Variants in CNBD1 observed in about 807,000 individuals in gnomAD.
The protein encoded by CNBD1 is cyclic nucleotide binding domain containing 1.
CNBD1 carries 71 observed loss-of-function variants against 54.4 expected under a neutral mutation model. That is an observed-to-expected ratio of 1.30 (90% CI 1.08 to 1.59). CNBD1 has a LOEUF of 1.59. Among genes scored for constraint, CNBD1 ranks in the 40% most tolerant of loss-of-function variants. The pLI, the probability that CNBD1 is intolerant of heterozygous loss-of-function variation, is 0.00. For missense variants in CNBD1, 659 were observed against 518.0 expected, an observed-to-expected ratio of 1.27 and a Z score of -2.64; for synonymous variants, 182 against 170.7, an observed-to-expected ratio of 1.07 and a Z score of -0.51.
At position 87,182,065 on chromosome 8, in the gene CNBD1, A is replaced by G. The variant is rs987465685; in HGVS notation, c.432-23928A>G. On this transcript the variant is annotated intron_variant, in intron 4 of 10. Transcript: ENST00000518476. The surrounding 1 kb of genome is among the most constrained non-coding windows in gnomAD (Gnocchi z 4.1). ...CTGCTCCTAACATCTCACTTGAAGTATGCCCCAGTGTCTACTTTTCCCATC... is the reference window on the plus strand; with the variant it reads ...CTGCTCCTAACATCTCACTTGAAGTGTGCCCCAGTGTCTACTTTTCCCATC... Among the ~76,000 whole-genome samples, 1 of 152,084 alleles carries G rather than the reference A, an allele frequency of 6.6e-6. No individual in the cohort carries two copies. Among genetic ancestry groups the G allele is most frequent in the African/African-American group, 2.4e-5 (1 of 41,426 alleles).
In CNBD1 at chr8:87,274,955, G is replaced by A. The variant is rs543306102; in HGVS notation, c.772-9723G>A. On this transcript the variant is annotated intron_variant, in intron 6 of 10. Coordinates refer to ENST00000518476, the MANE Select transcript of CNBD1 (RefSeq NM_173538.3). Reference sequence around the variant, plus strand: ...CATCTTGAATTGATTTTTGTATAAGGTGTAAGGAAGGGATCCAGTTTCAGC... The same window carrying A: ...CATCTTGAATTGATTTTTGTATAAGATGTAAGGAAGGGATCCAGTTTCAGC... Among the ~76,000 whole-genome samples the A allele has an allele frequency of 1.4e-3, 184 of 133,838 alleles. 32 individuals carry two copies. Among genetic ancestry groups the A allele is most frequent in the South Asian group, 4.2e-3 (17 of 4,050 alleles). 87.8% of individuals were successfully genotyped at this position (133,838 alleles called of 152,430 possible). A position where few individuals can be genotyped will look rare whatever the true frequency, so the allele number is the denominator to read the frequency against.
intron 2 of CNBD1, among the ~76,000 whole-genome samples, chr8:87,391,097 G>C (rs112741991): frequency 1.7e-3 from 265 of 151,918 alleles, no homozygotes; most frequent in African/African-American, 5.8e-3. Flanking sequence ...GTTGTGGGGT[G>C]GGGGAAGGGG....
chr8:87,425,887 C>G (rs1351331025), intron 2 of CNBD1, among the ~76,000 whole-genome samples: 2 of 152,260 alleles, frequency 1.3e-5, no homozygotes, highest in African/African-American at 2.4e-5. Flanking sequence ...CCTAATCAAG[C>G]CTGGGCAATG....
chr8:87,390,389 A>C (rs538299745), intron 2 of CNBD1, among the ~76,000 whole-genome samples: 2 of 152,326 alleles, frequency 1.3e-5, no homozygotes, highest in Non-Finnish European at 2.9e-5. Flanking sequence ...AATGAACTTA[A>C]ACAAATTTAC....
chr8:87,194,587 A>G (rs1279734664), intron 4 of CNBD1, among the ~76,000 whole-genome samples: 5 of 152,242 alleles, frequency 3.3e-5, no homozygotes, highest in Non-Finnish European at 5.9e-5. Context: ...CCCTTTGGAA[A>G]ATATAAGGCT....
At chr8:87,260,623 T>G (rs1808117596) in intron 6 of CNBD1, among the ~76,000 whole-genome samples, 1 of 152,138 alleles carries the variant, frequency 6.6e-6, no homozygotes, top group Non-Finnish European at 1.5e-5. Context: ...AAGAAACTCT[T>G]ACCCTTTTGC....
intron 6 of CNBD1, among the ~76,000 whole-genome samples, chr8:87,283,651 C>T (rs1460957951): frequency 6.6e-6 from 1 of 152,066 alleles, no homozygotes; most frequent in Non-Finnish European, 1.5e-5. Flanking sequence ...GGCTAGATAG[C>T]CAGCTTCTAT....
At chr8:87,401,548 G>A (rs1268219628) in intron 2 of CNBD1, among the ~76,000 whole-genome samples, 1 of 151,912 alleles carries the variant, frequency 6.6e-6, no homozygotes, top group Admixed American at 6.6e-5. Flanking sequence ...TATCTTTCTT[G>A]TTTTTTATGT....
chr8:86,918,609 C>T (rs1805504308), intron 3 of CNBD1, among the ~76,000 whole-genome samples: 1 of 151,798 alleles, frequency 6.6e-6, no homozygotes, highest in Admixed American at 6.6e-5. Context: ...TCCCCTTCTG[C>T]TTGGCTCTAA....
intron 4 of CNBD1, among the ~76,000 whole-genome samples, chr8:87,035,604 T>C (rs1204653529): frequency 6.6e-6 from 1 of 152,248 alleles, no homozygotes; most frequent in African/African-American, 2.4e-5. Flanking sequence ...ACTCTATTAA[T>C]GCTGTCTTCT....
intron 4 of CNBD1, among the ~76,000 whole-genome samples, chr8:86,962,556 C>G (rs946584981): frequency 1.3e-5 from 2 of 151,968 alleles, no homozygotes; most frequent in Non-Finnish European, 2.9e-5. Context: ...GAGGCTGAGG[C>G]GGGCACATCA....
chr8:87,188,289 T>C (rs1443892986), intron 4 of CNBD1, among the ~76,000 whole-genome samples: 2 of 152,204 alleles, frequency 1.3e-5, no homozygotes, highest in Non-Finnish European at 2.9e-5. Context: ...CTCTTTCACA[T>C]GCATAAGTTG....
chr8:87,154,731 A>C (rs1486773619), intron 4 of CNBD1, among the ~76,000 whole-genome samples: 1 of 152,154 alleles, frequency 6.6e-6, no homozygotes, highest in African/African-American at 2.4e-5. Flanking sequence ...TACACCTTGA[A>C]GTTGATATTA....
intron 8 of CNBD1, among the ~76,000 whole-genome samples, chr8:87,299,119 G>T (rs960297231): frequency 6.6e-6 from 1 of 152,160 alleles, no homozygotes; most frequent in Non-Finnish European, 1.5e-5. Flanking sequence ...CTGCCTGTGG[G>T]TTTGCAGAGG....
chr8:87,177,251 A>G (rs1813218830), intron 4 of CNBD1, among the ~76,000 whole-genome samples: 1 of 152,228 alleles, frequency 6.6e-6, no homozygotes, highest in African/African-American at 2.4e-5. Flanking sequence ...GGCAACCTTT[A>G]GGAAGAAATC....
chr8:87,131,207 C>T (rs527360376), intron 4 of CNBD1, among the ~76,000 whole-genome samples: 1 of 152,134 alleles, frequency 6.6e-6, no homozygotes, highest in South Asian at 2.1e-4. Flanking sequence ...GGATTTTTGT[C>T]TACCACTTCA....
intron 4 of CNBD1, among the ~76,000 whole-genome samples, chr8:87,023,259 A>C (rs557015147): frequency 6.7e-6 from 1 of 149,640 alleles, no homozygotes; most frequent in East Asian, 2.0e-4. Context: ...CTCCTAAAGC[A>C]GACTTGATGA....
intron 4 of CNBD1, among the ~76,000 whole-genome samples, chr8:87,003,268 C>A (rs1031240027): frequency 1.3e-5 from 2 of 152,150 alleles, no homozygotes; most frequent in Non-Finnish European, 2.9e-5. Flanking sequence ...ATTTGTCTCA[C>A]AGGTTTTAAA....
chr8:86,901,620 G>A (rs964980850), intron 2 of CNBD1, among the ~76,000 whole-genome samples: 6 of 152,156 alleles, frequency 3.9e-5, no homozygotes, highest in Non-Finnish European at 8.8e-5. Context: ...ATAAAGGGGT[G>A]CTTTTCATTG....
Sources: gnomAD v4.1 joint callset for allele counts (sites outside exome capture counted in the v4.1 genomes callset) on GRCh38, gnomAD v4.1.1 for gene constraint, Gnocchi (gnomAD v3.1) non-coding constraint, MANE v1.5 for transcripts, NCBI Gene and HGNC (gene_info 2026-07-23, HGNC 2026-07-21) for gene names.